The following PEBP4 variants were observed in gnomAD, a reference collection of about 807,000 sequenced individuals.
PEBP4 encodes phosphatidylethanolamine-binding protein 4.
In PEBP4, 22 loss-of-function variants were observed where a neutral mutation model predicts 23.9. The ratio of observed to expected loss-of-function variants is 0.92; its 90% confidence interval spans 0.66 to 1.31. The LOEUF is 1.31. Among genes scored for constraint, PEBP4 ranks in the 40% most tolerant of loss-of-function variants. The pLI is 0.00. For missense variants in PEBP4, 324 were observed against 281.7 expected (o/e 1.15, Z -1.07); for synonymous variants, 112 against 99.3 (o/e 1.13, Z -0.76).
intron 4 of PEBP4, among the ~76,000 whole-genome samples, chr8:22,785,929 C>T (rs1347304102): frequency 1.3e-5 from 2 of 152,200 alleles, no homozygotes; most frequent in African/African-American, 2.4e-5. Flanking sequence ...ACCTTCTGTA[C>T]CCCTGGATAG....
chr8:22,814,797 T>G (rs1806702926), intron 4 of PEBP4, among the ~76,000 whole-genome samples: 1 of 152,174 alleles, frequency 6.6e-6, no homozygotes, highest in African/African-American at 2.4e-5. Flanking sequence ...CTAGTGTGTT[T>G]TATTTAACAA....
intron 4 of PEBP4, among the ~76,000 whole-genome samples, chr8:22,732,634 TTGTGTGTG>T (rs61376190): frequency 0.67 from 100,291 of 149,102 alleles, 35,653 homozygotes; most frequent in East Asian, 0.97. Flanking sequence ...CTGGCCCCAT[TTGTGTGTG>T]TGTGTGTGTG....
chr8:22,714,333 C>T (rs996822710), intron 6 of PEBP4, among the ~76,000 whole-genome samples: 1 of 152,124 alleles, frequency 6.6e-6, no homozygotes, highest in Non-Finnish European at 1.5e-5. Context: ...TTCCCACGTT[C>T]TTGTTTCCCA....
chr8:22,904,192 C>A (rs1349139934), intron 3 of PEBP4, among the ~76,000 whole-genome samples: 1 of 152,182 alleles, frequency 6.6e-6, no homozygotes, highest in Non-Finnish European at 1.5e-5. Flanking sequence ...CCTGGCTGAT[C>A]TGCACACGAG....
intron 3 of PEBP4, among the ~76,000 whole-genome samples, chr8:22,819,974 G>A (rs916518617): frequency 1.3e-5 from 2 of 152,194 alleles, no homozygotes; most frequent in Non-Finnish European, 2.9e-5. Flanking sequence ...AGAAAGGGAG[G>A]TAGAGATGAC....
At chr8:22,893,329 T>C (rs1403622774) in intron 3 of PEBP4, among the ~76,000 whole-genome samples, 1 of 152,204 alleles carries the variant, frequency 6.6e-6, no homozygotes, top group Non-Finnish European at 1.5e-5. Context: ...TGCCAGATCA[T>C]AGCTCAAGAA....
At chr8:22,725,496 G>A (rs1366418610) in intron 5 of PEBP4, among the ~76,000 whole-genome samples, 2 of 151,968 alleles carry the variant, frequency 1.3e-5, no homozygotes, top group African/African-American at 4.8e-5. Flanking sequence ...CTGGGTGCTC[G>A]GGGCATCAGG....
chr8:22,782,473 T>C (rs889927074), intron 4 of PEBP4, among the ~76,000 whole-genome samples: 1 of 152,062 alleles, frequency 6.6e-6, no homozygotes, highest in African/African-American at 2.4e-5. Flanking sequence ...ACCCATCCAT[T>C]AGAGAGTTTC....
intron 4 of PEBP4, among the ~76,000 whole-genome samples, chr8:22,816,355 G>A (rs1333055251): frequency 6.6e-6 from 1 of 152,158 alleles, no homozygotes; most frequent in Non-Finnish European, 1.5e-5. Context: ...CCGTGGGAGG[G>A]GCCCCGGTCA....
chr8:22,805,117 T>A (rs1269251416), intron 4 of PEBP4, among the ~76,000 whole-genome samples: 4 of 152,202 alleles, frequency 2.6e-5, no homozygotes, highest in African/African-American at 9.6e-5. Context: ...AGGGAGCTCC[T>A]TAACAGTAAG....
intron 3 of PEBP4, among the ~76,000 whole-genome samples, chr8:22,913,427 C>G (rs995887760): frequency 2.0e-5 from 3 of 152,172 alleles, no homozygotes; most frequent in Non-Finnish European, 2.9e-5. Context: ...TCCCCACGCT[C>G]TGCCCCAAAG....
intron 4 of PEBP4, among the ~76,000 whole-genome samples, chr8:22,812,941 C>T (rs1478088254): frequency 6.6e-6 from 1 of 152,012 alleles, no homozygotes; most frequent in Non-Finnish European, 1.5e-5. Context: ...GTCAGTTTCA[C>T]AGAGGCGAAG....
chr8:22,818,552 G>T (rs1166795954), intron 3 of PEBP4, among the ~76,000 whole-genome samples: 1 of 152,168 alleles, frequency 6.6e-6, no homozygotes, highest in African/African-American at 2.4e-5. Context: ...CCAGGCCACA[G>T]GGGGCTCTCT....
At chr8:22,916,301 C>T (rs1411180313) in intron 3 of PEBP4, among the ~76,000 whole-genome samples, 4 of 152,188 alleles carry the variant, frequency 2.6e-5, no homozygotes, top group African/African-American at 9.7e-5. Context: ...GGCTTGAGAA[C>T]GGGATGCATT....
Position 22,817,641 on chromosome 8 carries a change from A to G in PEBP4, c.353T>C (p.Ile118Thr), listed in dbSNP as rs765321317. 7 of 1,613,762 alleles carry G rather than the reference A, an allele frequency of 4.3e-6. No homozygotes were observed. The highest frequency in any genetic ancestry group is 1.3e-5 in the African/African-American group (1 of 74,920). The stretch of plus-strand genomic sequence containing the variant: ...AGTGCCTCTTGGCCTGCTTACCTTG[A>G]TATCTGTTACCAGCCAATGTCTCCA... ...RFWRHWLVTD[I>T]KGADLKKGKI... Residue 118 changes from isoleucine (I) to threonine (T), a missense_variant, in exon 4 of 7, where the codon ATC (isoleucine) becomes ACC (threonine). By Grantham distance (89) the Ile-to-Thr change is moderately conservative. Coordinates refer to ENST00000256404, the MANE Select transcript of PEBP4 (RefSeq NM_144962.3).
At position 22,728,559 on chromosome 8, in the gene PEBP4, T is replaced by TCTTTCTTTCTTCCTTCCTTCCTTCCTTC. The variant is rs1462225042; in HGVS notation, c.358-1340_358-1339insGAAGGAAGGAAGGAAGGAAGAAAGAAAG. Among the ~76,000 whole-genome samples the TCTTTCTTTCTTCCTTCCTTCCTTCCTTC allele has an allele frequency of 1.7e-4, 16 of 96,362 alleles. 1 individual carries two copies. The highest frequency in any genetic ancestry group is 6.9e-4 in the African/African-American group (15 of 21,750). The allele number at this position is 96,362 out of a possible 152,430, so 63.2% of individuals were successfully genotyped here. ...TTCTTCCTTCCTTTCTTTCTTTCTT[T>TCTTTCTTTCTTCCTTCCTTCCTTCCTTC]CTTCCTTCCTTCCTTCCTTCCTTCC... On this transcript the variant is annotated intron_variant, in intron 4 of 6. Transcript: ENST00000256404.
chr8:22,779,339 A>T (rs2128755021), intron 4 of PEBP4, among the ~76,000 whole-genome samples: 1 of 152,264 alleles, frequency 6.6e-6, no homozygotes, highest in East Asian at 1.9e-4. Context: ...TTTACAAAGA[A>T]TCTGAGCTGC....
chr8:22,916,495 C>T (rs1254394326), intron 3 of PEBP4, among the ~76,000 whole-genome samples: 3 of 152,184 alleles, frequency 2.0e-5, no homozygotes, highest in African/African-American at 7.2e-5. Context: ...CACCCACCCC[C>T]CAGCTCACAC....
At chr8:22,913,311 C>G (rs895925265) in intron 3 of PEBP4, among the ~76,000 whole-genome samples, 4 of 152,198 alleles carry the variant, frequency 2.6e-5, no homozygotes, top group African/African-American at 9.7e-5. Flanking sequence ...TGCAGCCTCT[C>G]CCAGCAGTGG....
Sources: gnomAD v4.1 joint callset for allele counts (sites outside exome capture counted in the v4.1 genomes callset) on GRCh38, gnomAD v4.1.1 for gene constraint, MANE v1.5 for transcripts, NCBI Gene and HGNC (gene_info 2026-07-23, HGNC 2026-07-21) for gene names.